Variants in PUM1 observed in about 807,000 individuals in gnomAD.
The protein encoded by PUM1 is pumilio RNA binding family member 1, also known as pumilio homolog 1.
A neutral mutation model predicts 131.8 loss-of-function variants in PUM1; 13 were observed. That is an observed-to-expected ratio of 0.10 (90% CI 0.06 to 0.16). PUM1 has a LOEUF of 0.16. Among genes scored for constraint, PUM1 ranks in the 10% least tolerant of loss-of-function variants. PUM1 has a pLI of 1.00. For synonymous variants in PUM1, 509 were observed against 556.5 expected (o/e 0.91, Z 1.20); for missense variants, 961 against 1,512.4 (o/e 0.64, Z 6.05).
intron 18 of PUM1, 43 bp from the exon 19 acceptor site, chr1:30,942,166 A>G: frequency 7.3e-7 from 1 of 1,374,068 alleles, no homozygotes; most frequent in Non-Finnish European, 9.7e-7. Context: ...AATGACAGTC[A>G]CCACCTTCAA....
chr1:31,044,746 C>T (rs1643912476), intron 2 of PUM1, among the ~76,000 whole-genome samples: 3 of 152,108 alleles, frequency 2.0e-5, no homozygotes, highest in Non-Finnish European at 2.9e-5. Context: ...TGCATGATGT[C>T]GGCTCACTGC....
chr1:31,054,093 CAAAAAAAAAAAAAAA>C (rs368330168), intron 2 of PUM1, among the ~76,000 whole-genome samples: 21 of 54,884 alleles, frequency 3.8e-4, no homozygotes, highest in Admixed American at 5.4e-4. Flanking sequence ...GACTTTATTT[CAAAAAAAAAAAAAAA>C]AAAAAAAAAA....
chr1:30,977,826 GAC>G (rs1291268503), intron 9 of PUM1, among the ~76,000 whole-genome samples: 1 of 152,148 alleles, frequency 6.6e-6, no homozygotes, highest in Non-Finnish European at 1.5e-5. Context: ...GTACAGAAAA[GAC>G]AATTCAAGAC....
At chr1:30,946,495 G>T (rs1476135353) in intron 17 of PUM1, among the ~76,000 whole-genome samples, 1 of 151,648 alleles carries the variant, frequency 6.6e-6, no homozygotes, top group African/African-American at 2.4e-5. Context: ...AAATTAGCTG[G>T]GCATGGTGGT....
intron 3 of PUM1, among the ~76,000 whole-genome samples, chr1:31,017,640 AGAGT>A (rs1642866897): frequency 6.6e-6 from 1 of 152,086 alleles, no homozygotes; most frequent in African/African-American, 2.4e-5. Context: ...ACCCTGATTT[AGAGT>A]GAGTGAGACA....
chr1:31,034,038 T>G (rs1643525335), intron 2 of PUM1, among the ~76,000 whole-genome samples: 1 of 152,178 alleles, frequency 6.6e-6, no homozygotes, highest in African/African-American at 2.4e-5. Flanking sequence ...TAATTACAAT[T>G]TATCCATTTT....
chr1:30,995,645 T>C (rs193182140), intron 5 of PUM1, among the ~76,000 whole-genome samples: 1 of 152,154 alleles, frequency 6.6e-6, no homozygotes, highest in Non-Finnish European at 1.5e-5. Flanking sequence ...AAAAAAAAAT[T>C]ATTAAGCCTG....
chr1:31,034,847 A>G (rs1643550916), intron 2 of PUM1, among the ~76,000 whole-genome samples: 3 of 152,216 alleles, frequency 2.0e-5, no homozygotes, highest in Admixed American at 2.0e-4. Flanking sequence ...CATTTCACTA[A>G]AAGAGATCAG....
At chr1:30,975,839 C>T (rs1279430908) in intron 9 of PUM1, among the ~76,000 whole-genome samples, 2 of 151,842 alleles carry the variant, frequency 1.3e-5, no homozygotes, top group Admixed American at 6.6e-5. Flanking sequence ...CCCAGCATTA[C>T]GGGAGGCCAA....
intron 9 of PUM1, 33 bp downstream of exon 9, chr1:30,980,029 T>G: frequency 2.0e-6 from 3 of 1,466,538 alleles, no homozygotes; most frequent in Non-Finnish European, 2.8e-6. Flanking sequence ...TTTCAGCAGG[T>G]GAGAAAATCC....
At chr1:31,000,671 A>G (rs1416801048) in intron 5 of PUM1, among the ~76,000 whole-genome samples, 1 of 152,224 alleles carries the variant, frequency 6.6e-6, no homozygotes. Context: ...AGCAGAAGTC[A>G]TATTTAATGG....
rs928725923 is a variant in PUM1, at chr1:30,992,457, C to T, written c.1091G>A (p.Gly364Asp). Residue 364 changes from glycine (G) to aspartate (D), a missense_variant, in exon 7 of 22, where the codon GGC becomes GAC. Physicochemically the swap from Gly to Asp is moderately conservative, Grantham distance 94. This residue lies in a region of PUM1 where 654 missense variants were observed against 923.9 expected (regional missense o/e 0.71). Transcript: ENST00000426105. The stretch of plus-strand genomic sequence containing the variant: ...TGCTGAGTCCACAGGTACCTGCGTG[C>T]CTGAATAATCAAACTGAAGAGGCTC... ...GMEPLQFDYS[G>D]TQVPVDSAAA... 1 of 1,614,066 alleles carries T rather than the reference C, an allele frequency of 6.2e-7. No homozygotes were observed. Among genetic ancestry groups the T allele is most frequent in the Non-Finnish European group, 8.5e-7 (1 of 1,180,042 alleles).
chr1:30,964,616 G>A (rs1640548953), intron 14 of PUM1, 58 bp downstream of exon 14: 16 of 1,439,888 alleles, frequency 1.1e-5, no homozygotes, highest in Non-Finnish European at 1.5e-5. Context: ...TTCTTGTAAT[G>A]TCATCGGTGG....
intron 21 of PUM1, chr1:30,935,820 A>G: frequency 2.8e-6 from 1 of 359,464 alleles, no homozygotes; most frequent in South Asian, 2.0e-5. Context: ...GTGAGTTCAG[A>G]GCCCAAAAGC....
In PUM1 at chr1:31,028,783, C is replaced by T. The variant is rs1404145345; in HGVS notation, c.432+13G>A. 5 of 1,608,360 alleles carry T rather than the reference C, an allele frequency of 3.1e-6. No individual in the cohort carries two copies. On this transcript the variant is annotated intron_variant, in intron 3 of 21. Transcript: ENST00000426105. The stretch of plus-strand genomic sequence containing the variant: ...AAAACAGACCCACTTTTCTGACACA[C>T]CAGTTCACTTACCTCTCCCATCGCT...
chr1:30,988,591 G>A (rs947643), intron 7 of PUM1, among the ~76,000 whole-genome samples: 58,235 of 152,064 alleles, frequency 0.38, 13,436 homozygotes, highest in East Asian at 0.85. Flanking sequence ...GTGCAGAAAA[G>A]TATGTGCTGC....
At position 31,021,973 on chromosome 1, in the gene PUM1, T is replaced by C. The variant is rs1643044035; in HGVS notation, c.432+6823A>G. Among the ~76,000 whole-genome samples, 3 of 151,852 alleles carry C rather than the reference T, an allele frequency of 2.0e-5. No individual in the cohort carries two copies. The South Asian group carries it at 6.2e-4, about 32-fold the overall frequency. ...CTAAAAAAAAAAGGCATCATAATATTGCAGGACCACCCTAAAAACTGTAAC... is the reference window on the plus strand; with the variant it reads ...CTAAAAAAAAAAGGCATCATAATATCGCAGGACCACCCTAAAAACTGTAAC... On this transcript the variant is annotated intron_variant, in intron 3 of 21. Transcript: ENST00000426105.
intron 9 of PUM1, among the ~76,000 whole-genome samples, chr1:30,979,828 G>C (rs1045139832): frequency 1.6e-4 from 24 of 152,078 alleles, no homozygotes; most frequent in African/African-American, 5.8e-4. Context: ...TGGCTCCATG[G>C]ATCAAAAACA....
At chr1:30,991,270 AGT>A (rs1641779923) in intron 7 of PUM1, among the ~76,000 whole-genome samples, 1 of 152,140 alleles carries the variant, frequency 6.6e-6, no homozygotes, top group Non-Finnish European at 1.5e-5. Context: ...CACGGAGAAG[AGT>A]GTACACTTTC....
Sources: allele counts gnomAD v4.1 joint callset (sites outside exome capture counted in the v4.1 genomes callset), GRCh38; gene constraint gnomAD v4.1.1; regional missense constraint gnomAD v4.1.1; transcripts MANE v1.5; gene names NCBI Gene and HGNC (gene_info 2026-07-23, HGNC 2026-07-21).